LRRC37A2: variants seen among roughly 807,000 people sequenced by gnomAD.
LRRC37A2 encodes the protein leucine rich repeat containing 37 member A2.
A neutral mutation model predicts 68.8 loss-of-function variants in LRRC37A2; 9 were observed. That is an observed-to-expected ratio of 0.13 (90% CI 0.08 to 0.23). The LOEUF is 0.23. LRRC37A2 is among the 10% of genes least tolerant of loss of function. LRRC37A2 has a pLI of 1.00. For missense variants in LRRC37A2, 168 were observed against 950.4 expected, an observed-to-expected ratio of 0.18 and a Z score of 10.82; for synonymous variants, 63 against 367.6, an observed-to-expected ratio of 0.17 and a Z score of 9.48.
At chr17:47,000,025 A>AAATTAAATTAAAATAAT in the LRRC37A2 span, among the ~76,000 whole-genome samples, 1 of 19,186 alleles carries the variant, frequency 5.2e-5, no homozygotes, top group African/African-American at 9.0e-5. Context: ...AAATAAAATA[A>AAATTAAATTAAAATAAT]AATAAAATAA....
the LRRC37A2 span, chr17:46,952,872 C>T: frequency 1.3e-5 from 2 of 151,902 alleles, no homozygotes; most frequent in Non-Finnish European, 2.9e-5. Context: ...GTGAAAGACC[C>T]CTCAGTGCAA....
At chr17:46,807,768 C>T in the LRRC37A2 span, among the ~76,000 whole-genome samples, 1 of 152,152 alleles carries the variant, frequency 6.6e-6, no homozygotes, top group African/African-American at 2.4e-5. Flanking sequence ...GATTCAATAA[C>T]AAAATAAAAA....
At chr17:46,784,481 C>A in the LRRC37A2 span, among the ~76,000 whole-genome samples, 17 of 151,880 alleles carry the variant, frequency 1.1e-4, no homozygotes, top group Non-Finnish European at 2.4e-4. Context: ...GGACACTGAG[C>A]GTCACGGTGG....
the LRRC37A2 span, among the ~76,000 whole-genome samples, chr17:46,723,388 T>G: frequency 6.6e-6 from 1 of 152,204 alleles, no homozygotes; most frequent in Non-Finnish European, 1.5e-5. Context: ...GATACCACAT[T>G]GGCTGCGGTT....
At chr17:46,495,180 T>G in the LRRC37A2 span, among the ~76,000 whole-genome samples, 7 of 146,636 alleles carry the variant, frequency 4.8e-5, no homozygotes, top group African/African-American at 1.9e-4. Flanking sequence ...TGACTTCACT[T>G]TTTAAATGGC....
At chr17:46,923,620 T>A in the LRRC37A2 span, 1 of 1,244,276 alleles carries the variant, frequency 8.0e-7, no homozygotes, top group Non-Finnish European at 1.0e-6. Context: ...TACTGTTTAA[T>A]TGGAGAGTCA....
chr17:46,819,490 AC>A, the LRRC37A2 span, among the ~76,000 whole-genome samples: 1 of 147,124 alleles, frequency 6.8e-6, no homozygotes, highest in East Asian at 2.0e-4. The surrounding 1 kb of genome is among the most constrained non-coding windows in gnomAD (Gnocchi z 5.3). Flanking sequence ...TTCAGGCCCG[AC>A]CTCTGGCCCG....
At chr17:46,732,004 C>G in the LRRC37A2 span, among the ~76,000 whole-genome samples, 1 of 152,128 alleles carries the variant, frequency 6.6e-6, no homozygotes, top group African/African-American at 2.4e-5. Flanking sequence ...AAAATGGAAG[C>G]ATTCACTTTG....
chr17:46,851,448 C>T, the LRRC37A2 span: 2 of 294,902 alleles, frequency 6.8e-6, no homozygotes, highest in African/African-American at 2.4e-5. This position sits in a 1 kb window ranked among gnomAD's most constrained non-coding sequence, Gnocchi z 4.3. Context: ...CGCGACGGGG[C>T]GGGGCGAGGG....
the LRRC37A2 span, among the ~76,000 whole-genome samples, chr17:46,463,754 A>C: frequency 1.2e-5 from 1 of 82,508 alleles, no homozygotes; most frequent in East Asian, 2.8e-4. Context: ...TGATAGTGCC[A>C]CTGCACTCCC....
chr17:46,839,993 TTTCTTTC>T, the LRRC37A2 span, among the ~76,000 whole-genome samples: 1 of 92,736 alleles, frequency 1.1e-5, no homozygotes, highest in African/African-American at 4.5e-5. Flanking sequence ...TTCTTTCTTT[TTTCTTTC>T]TTCTTTCTTT....
At chr17:46,867,283 C>T in the LRRC37A2 span, among the ~76,000 whole-genome samples, 1 of 152,238 alleles carries the variant, frequency 6.6e-6, no homozygotes, top group Non-Finnish European at 1.5e-5. Context: ...ACTGTGTGCT[C>T]ACTGCTCTCA....
chr17:46,691,571 G>C, the LRRC37A2 span, among the ~76,000 whole-genome samples: 2 of 150,516 alleles, frequency 1.3e-5, no homozygotes, highest in Admixed American at 6.6e-5. Flanking sequence ...CTCCAGCCTG[G>C]GCAGCAGAGC....
chr17:46,541,721 CAGT>C (rs1330050020), intron 8 of LRRC37A2, among the ~76,000 whole-genome samples: 2 of 150,788 alleles, frequency 1.3e-5, no homozygotes, highest in African/African-American at 5.0e-5. Context: ...ACAATAAAAG[CAGT>C]AGAAAATTTA....
the LRRC37A2 span, among the ~76,000 whole-genome samples, chr17:46,715,461 C>G: frequency 1.3e-5 from 2 of 152,164 alleles, no homozygotes; most frequent in Non-Finnish European, 2.9e-5. Context: ...ATAGCTAATT[C>G]TATTTGCATT....
the LRRC37A2 span, chr17:47,010,684 T>C: frequency 6.6e-6 from 1 of 152,228 alleles, no homozygotes; most frequent in African/African-American, 2.4e-5. Flanking sequence ...AACAGGAGGC[T>C]CCTACTGCAG....
the LRRC37A2 span, among the ~76,000 whole-genome samples, chr17:46,949,642 A>C: frequency 1.3e-5 from 2 of 152,218 alleles, no homozygotes; most frequent in African/African-American, 4.8e-5. Context: ...GCAGCAATAA[A>C]GTGCACAAAC....
the LRRC37A2 span, among the ~76,000 whole-genome samples, chr17:47,011,055 T>TA: frequency 2.0e-5 from 3 of 152,180 alleles, no homozygotes; most frequent in African/African-American, 7.2e-5. Context: ...GAGTGAGTCT[T>TA]AGACAGAAAA....
At chr17:46,943,669 C>T in the LRRC37A2 span, among the ~76,000 whole-genome samples, 1 of 152,248 alleles carries the variant, frequency 6.6e-6, no homozygotes, top group East Asian at 1.9e-4. Context: ...AGCCCATCCC[C>T]CATGCAGGGC....
Sources: gnomAD v4.1 joint callset for allele counts (sites outside exome capture counted in the v4.1 genomes callset) on GRCh38, gnomAD v4.1.1 for gene constraint, Gnocchi (gnomAD v3.1) non-coding constraint, MANE v1.5 for transcripts, NCBI Gene and HGNC (gene_info 2026-07-23, HGNC 2026-07-21) for gene names.